RTN4RL1: variants seen among roughly 807,000 people sequenced by gnomAD.
RTN4RL1 encodes the protein reticulon 4 receptor like 1, also known as reticulon-4 receptor-like 1.
RTN4RL1 carries 7 observed loss-of-function variants against 25.6 expected under a neutral mutation model. The ratio of observed to expected loss-of-function variants is 0.27; its 90% CI spans 0.16 to 0.51. RTN4RL1 has a LOEUF of 0.51. Ranked by LOEUF, RTN4RL1 falls within the 20% of genes least tolerant of loss-of-function variation. The probability of loss-of-function intolerance (pLI) is 0.97; values close to 1 mark genes in which losing one functional copy is unlikely to be tolerated. For synonymous variants in RTN4RL1, 297 were observed against 288.2 expected (o/e 1.03, Z -0.31); for missense variants, 500 against 615.6 (o/e 0.81, Z 1.99).
intron 1 of RTN4RL1, among the ~76,000 whole-genome samples, chr17:1,941,937 A>T (rs2151304913): frequency 6.6e-6 from 1 of 152,172 alleles, no homozygotes; most frequent in East Asian, 1.9e-4. Flanking sequence ...AGCCCTTGGG[A>T]GCCCCGACCC....
chr17:1,937,156 C>T lies in RTN4RL1; in HGVS notation c.666G>A (p.Arg222=). The change falls in exon 2 of 2, where the codon AGG becomes AGA. Residue 222 remains arginine, a synonymous_variant. Transcript: ENST00000331238. ...VHHKAFHDLR[R]LTTLFLFNNS... Reference sequence around the variant, plus strand: ...TGTTGAAGAGGAAGAGGGTGGTCAGCCTGCGGAGGTCGTGGAACGCCTTGT... The same window carrying T: ...TGTTGAAGAGGAAGAGGGTGGTCAGTCTGCGGAGGTCGTGGAACGCCTTGT... 6.2e-7 allele frequency: 1 copy of T among 1,612,092 alleles called. No homozygotes were observed. The highest frequency in any genetic ancestry group is 8.5e-7 in the Non-Finnish European group (1 of 1,179,488).
intron 1 of RTN4RL1, among the ~76,000 whole-genome samples, chr17:2,024,267 T>C (rs1567536850): frequency 6.6e-6 from 1 of 152,148 alleles, no homozygotes; most frequent in Non-Finnish European, 1.5e-5. Flanking sequence ...TAATGAAAGT[T>C]TGAGGAACTG....
At chr17:1,993,360 G>C (rs1197737625) in intron 1 of RTN4RL1, among the ~76,000 whole-genome samples, 3 of 152,230 alleles carry the variant, frequency 2.0e-5, no homozygotes, top group African/African-American at 7.2e-5. Context: ...TCTGGGGCCA[G>C]TCAGACCTGG....
At position 1,970,949 on chromosome 17, in the gene RTN4RL1, C is replaced by A. The variant is rs990078989; in HGVS notation, c.14-33141G>T. On this transcript the variant is annotated intron_variant, in intron 1 of 1. Transcript: ENST00000331238. The stretch of plus-strand genomic sequence containing the variant: ...GCGAGCCTACACATAATCACTCACA[C>A]TTCTGCAGTATATTAATGACGGCTG... Among the ~76,000 whole-genome samples, 9 of 152,232 alleles carry A rather than the reference C, an allele frequency of 5.9e-5. No homozygotes were observed. In the South Asian group the frequency reaches 1.9e-3, roughly 31 times the overall value.
chr17:1,970,269 C>T (rs527291052), intron 1 of RTN4RL1, among the ~76,000 whole-genome samples: 15 of 152,256 alleles, frequency 9.9e-5, no homozygotes, highest in Admixed American at 4.6e-4. Flanking sequence ...GATCCACCTG[C>T]GTCAGCCTCC....
At chr17:1,969,252 T>C (rs985736782) in intron 1 of RTN4RL1, among the ~76,000 whole-genome samples, 1 of 151,884 alleles carries the variant, frequency 6.6e-6, no homozygotes, top group Non-Finnish European at 1.5e-5. Flanking sequence ...AGAGACAGGA[T>C]TTCACCATGT....
intron 1 of RTN4RL1, among the ~76,000 whole-genome samples, chr17:1,974,470 G>A (rs575116666): frequency 2.6e-5 from 4 of 152,318 alleles, no homozygotes; most frequent in South Asian, 2.1e-4. Context: ...CAGGACCACT[G>A]TGTCAGCTGA....
chr17:1,965,787 C>T (rs997455116), intron 1 of RTN4RL1, among the ~76,000 whole-genome samples: 1 of 152,166 alleles, frequency 6.6e-6, no homozygotes, highest in African/African-American at 2.4e-5. Context: ...CCCATTTTTG[C>T]GGGAAGTCTA....
At chr17:2,002,607 C>T (rs1567522053) in intron 1 of RTN4RL1, among the ~76,000 whole-genome samples, 1 of 151,250 alleles carries the variant, frequency 6.6e-6, no homozygotes, top group Non-Finnish European at 1.5e-5. Context: ...TTCTTTATTT[C>T]CTCTCTCTGT....
intron 1 of RTN4RL1, among the ~76,000 whole-genome samples, chr17:1,967,096 G>A (rs3935864): frequency 0.2 from 30,435 of 152,100 alleles, 3,289 homozygotes; most frequent in Middle Eastern, 0.27. Context: ...AGGTGGTACA[G>A]GTGGCAACCC....
chr17:1,999,857 C>G (rs1346894674), intron 1 of RTN4RL1, among the ~76,000 whole-genome samples: 1 of 152,264 alleles, frequency 6.6e-6, no homozygotes, highest in African/African-American at 2.4e-5. Flanking sequence ...TCCGGCCTCA[C>G]GGCCTTGCCT....
chr17:1,948,937 C>G (rs911732998), intron 1 of RTN4RL1, among the ~76,000 whole-genome samples: 3 of 152,018 alleles, frequency 2.0e-5, no homozygotes, highest in African/African-American at 7.2e-5. Context: ...GGATTACAGG[C>G]ACCTGCCACC....
chr17:1,969,058 CTT>C (rs566553225), intron 1 of RTN4RL1, among the ~76,000 whole-genome samples: 1 of 103,890 alleles, frequency 9.6e-6, no homozygotes, highest in Admixed American at 1.3e-4. Flanking sequence ...ACCACTGTCC[CTT>C]TTTTTTTTTT....
At chr17:1,967,943 C>T (rs1172278013) in intron 1 of RTN4RL1, among the ~76,000 whole-genome samples, 1 of 152,142 alleles carries the variant, frequency 6.6e-6, no homozygotes, top group Non-Finnish European at 1.5e-5. Flanking sequence ...GCCCGGCCTC[C>T]AGTCTCTGTC....
In RTN4RL1 at chr17:2,015,476, G is replaced by A. The variant is rs893368195; in HGVS notation, c.13+9377C>T. 2.0e-4 allele frequency among the ~76,000 whole-genome samples: 31 copies of A among 152,142 alleles called. 1 individual carries two copies. Among genetic ancestry groups the A allele is most frequent in the African/African-American group, 6.5e-4 (27 of 41,428 alleles). Reference sequence around the variant, plus strand: ...CCCAGAGCCAAGCATGGCGCTGCCCGGGGAGGTGCCACATTGGAGAGGTGG... The same window carrying A: ...CCCAGAGCCAAGCATGGCGCTGCCCAGGGAGGTGCCACATTGGAGAGGTGG... On this transcript the variant is annotated intron_variant, in intron 1 of 1. Transcript: ENST00000331238.
intron 1 of RTN4RL1, among the ~76,000 whole-genome samples, chr17:2,013,661 C>CTTGGGGTTTGA (rs1567528205): frequency 6.6e-4 from 80 of 121,252 alleles, no homozygotes; most frequent in South Asian, 9.4e-4. Context: ...CTCTCTCACC[C>CTTGGGGTTTGA]TGGAACATAA....
intron 1 of RTN4RL1, among the ~76,000 whole-genome samples, chr17:1,989,721 A>C (rs1164287873): frequency 6.6e-6 from 1 of 152,038 alleles, no homozygotes; most frequent in Non-Finnish European, 1.5e-5. Context: ...TTACAGGTGC[A>C]TGCCACCATG....
At chr17:2,017,003 T>C (rs2151329218) in intron 1 of RTN4RL1, among the ~76,000 whole-genome samples, 1 of 152,366 alleles carries the variant, frequency 6.6e-6, no homozygotes, top group South Asian at 2.1e-4. Context: ...TCTTGCCTTG[T>C]GCGCTTCTCA....
At chr17:1,971,941 G>A (rs1220663852) in intron 1 of RTN4RL1, among the ~76,000 whole-genome samples, 8 of 111,854 alleles carry the variant, frequency 7.2e-5, no homozygotes, top group Admixed American at 3.9e-4. Context: ...CAGCCTGGGC[G>A]ACAGAGCCAG....
Sources: allele counts gnomAD v4.1 joint callset (sites outside exome capture counted in the v4.1 genomes callset), GRCh38; gene constraint gnomAD v4.1.1; transcripts MANE v1.5; gene names NCBI Gene and HGNC (gene_info 2026-07-23, HGNC 2026-07-21).